Variants in HIF1A observed in about 807,000 individuals in gnomAD.
HIF1A encodes hypoxia-inducible factor 1-alpha.
A neutral mutation model predicts 92.7 loss-of-function variants in HIF1A; 24 were observed. The observed-to-expected ratio is 0.26, with a 90% CI of 0.19 to 0.36. HIF1A has a LOEUF of 0.36. HIF1A is among the 10% of genes least tolerant of loss of function. The pLI is 1.00. For missense variants in HIF1A, 799 were observed against 998.5 expected (o/e 0.80, Z 2.69); for synonymous variants, 319 against 338.7 (o/e 0.94, Z 0.64).
At chr14:61,742,703 T>C (rs2044727284) in intron 12 of HIF1A, among the ~76,000 whole-genome samples, 1 of 151,796 alleles carries the variant, frequency 6.6e-6, no homozygotes, top group South Asian at 2.1e-4. Context: ...CTGGCCAACA[T>C]GGTGAAACCC....
intron 1 of HIF1A, among the ~76,000 whole-genome samples, chr14:61,707,354 G>C (rs1483063620): frequency 6.6e-6 from 1 of 151,976 alleles, no homozygotes; most frequent in Non-Finnish European, 1.5e-5. Flanking sequence ...TGTGCACAAC[G>C]TGCAGGTTAG....
At chr14:61,709,661 AGT>A (rs1176387550) in intron 1 of HIF1A, among the ~76,000 whole-genome samples, 2 of 152,216 alleles carry the variant, frequency 1.3e-5, no homozygotes, top group African/African-American at 2.4e-5. Context: ...AAATAAAATA[AGT>A]GTATGCATTC....
chr14:61,696,872 A>G (rs1392718532), intron 1 of HIF1A, among the ~76,000 whole-genome samples: 2 of 152,228 alleles, frequency 1.3e-5, no homozygotes, highest in Non-Finnish European at 2.9e-5. Context: ...ACTTAATGCA[A>G]GTTTTATAAA....
At chr14:61,715,830 T>G (rs1016922080) in intron 1 of HIF1A, 1 of 152,138 alleles carries the variant, frequency 6.6e-6, no homozygotes, top group Non-Finnish European at 1.5e-5. Flanking sequence ...ATTCCGTCTC[T>G]GCAAAAAATT....
At chr14:61,732,377 T>C (rs1273492594) in intron 6 of HIF1A, 41 bp from the exon 7 acceptor site, 1 of 1,333,544 alleles carries the variant, frequency 7.5e-7, no homozygotes, top group African/African-American at 1.5e-5. Context: ...TTTATCAGTG[T>C]CTCCCTTTTT....
intron 6 of HIF1A, among the ~76,000 whole-genome samples, chr14:61,730,384 C>G (rs553145954): frequency 8.7e-4 from 133 of 152,154 alleles, no homozygotes; most frequent in Non-Finnish European, 1.6e-3. Flanking sequence ...TTGAGAAGCA[C>G]TGATTGACAT....
intron 2 of HIF1A, among the ~76,000 whole-genome samples, chr14:61,721,203 T>C (rs1174533412): frequency 3.3e-5 from 5 of 152,324 alleles, no homozygotes; most frequent in Non-Finnish European, 4.4e-5. Context: ...ATCAAGCCAC[T>C]GCACTCCAGC....
At chr14:61,709,805 A>C (rs2044285866) in intron 1 of HIF1A, among the ~76,000 whole-genome samples, 1 of 152,342 alleles carries the variant, frequency 6.6e-6, no homozygotes. Flanking sequence ...TTGCCTGTTC[A>C]GTCTATACTT....
chr14:61,711,985 T>A (rs1369699865), intron 1 of HIF1A, among the ~76,000 whole-genome samples: 1 of 152,242 alleles, frequency 6.6e-6, no homozygotes, highest in Non-Finnish European at 1.5e-5. Flanking sequence ...GTGCTTGGGA[T>A]GTTCATTGAA....
chr14:61,721,476 CTA>C, intron 2 of HIF1A, 31 bp from the exon 3 acceptor site: 1 of 1,569,418 alleles, frequency 6.4e-7, no homozygotes, highest in South Asian at 1.1e-5. Context: ...AACTTTTTAA[CTA>C]ATTATTTTCC....
Position 61,738,244 on chromosome 14 carries a change from A to G in HIF1A, c.1407A>G (p.Ala469=), listed in dbSNP as rs1214318889. The change falls in exon 10 of 15, where the codon GCA becomes GCG. Residue 469 remains alanine (A), a synonymous_variant. Transcript: ENST00000337138. The stretch of plus-strand genomic sequence containing the variant: ...CACTTCGAAGTAGTGCTGACCCTGC[A>G]CTCAATCAAGAAGTTGCATTAAAAT... ...PKPLRSSADP[A]LNQEVALKLE... 1 of 1,614,050 alleles carries G rather than the reference A, an allele frequency of 6.2e-7. No homozygotes were observed. Among genetic ancestry groups the G allele is most frequent in the African/African-American group, 1.3e-5 (1 of 74,898 alleles).
At chr14:61,730,166 G>C (rs899717291) in intron 6 of HIF1A, among the ~76,000 whole-genome samples, 1 of 152,010 alleles carries the variant, frequency 6.6e-6, no homozygotes, top group African/African-American at 2.4e-5. Flanking sequence ...TTAGATCATG[G>C]GTTTCCTAGT....
At chr14:61,722,144 G>A (rs578035437) in intron 4 of HIF1A, among the ~76,000 whole-genome samples, 6 of 151,492 alleles carry the variant, frequency 4.0e-5, no homozygotes, top group African/African-American at 1.5e-4. Context: ...GGAGTGCAGT[G>A]GCACAATCAG....
intron 2 of HIF1A, among the ~76,000 whole-genome samples, chr14:61,720,813 T>G (rs1354181480): frequency 1.3e-5 from 2 of 152,218 alleles, no homozygotes; most frequent in Non-Finnish European, 2.9e-5. Context: ...CTTTATTCTC[T>G]TAAACATACT....
At chr14:61,703,164 A>C (rs1213446231) in intron 1 of HIF1A, among the ~76,000 whole-genome samples, 9 of 152,216 alleles carry the variant, frequency 5.9e-5, no homozygotes, top group Non-Finnish European at 1.3e-4. Flanking sequence ...CTTAATAATA[A>C]ATTAGAAGAA....
chr14:61,706,557 A>G (rs972275363), intron 1 of HIF1A, among the ~76,000 whole-genome samples: 2 of 152,218 alleles, frequency 1.3e-5, no homozygotes, highest in African/African-American at 4.8e-5. Flanking sequence ...GTATTCAGTT[A>G]TAGCTAAAAA....
At chr14:61,721,278 CTCT>C (rs766275957) in intron 2 of HIF1A, among the ~76,000 whole-genome samples, 1 of 151,930 alleles carries the variant, frequency 6.6e-6, no homozygotes, top group Non-Finnish European at 1.5e-5. Flanking sequence ...AAAAACATTA[CTCT>C]TCTTTCTTCT....
Position 61,713,965 on chromosome 14 carries a change from G to A in HIF1A, c.36-6417G>A, listed in dbSNP as rs181909262. Among the ~76,000 whole-genome samples, 221 of 152,328 alleles carry A rather than the reference G, an allele frequency of 1.5e-3. 1 individual carries two copies. The highest frequency in any genetic ancestry group is 2.6e-3 in the Non-Finnish European group (177 of 68,034). On this transcript the variant is annotated intron_variant, in intron 1 of 14. Coordinates refer to ENST00000337138, the MANE Select transcript of HIF1A (RefSeq NM_001530.4). ...TGGTGGAGAGAACCCCTCCTCTCCC[G>A]ATAGGGTTGCAGAAGTTGTCTTCTG...
rs111734847 is a variant in HIF1A at position 61,705,548 on chromosome 14, A to G, written c.35+9709A>G. ...GGTAGCTATCATGTTTCTTCCTTCT[A>G]TTCTTAAAAAATAGTCCCAAATTTC... is the stretch of plus-strand genomic sequence containing the variant. On this transcript the variant is annotated intron_variant, in intron 1 of 14. Transcript: ENST00000337138. Among the ~76,000 whole-genome samples the G allele has an allele frequency of 3.2e-3, 490 of 152,198 alleles. 5 individuals carry two copies. Among genetic ancestry groups the G allele is most frequent in the African/African-American group, 0.011 (458 of 41,548 alleles).
Sources: gnomAD v4.1 joint callset for allele counts (sites outside exome capture counted in the v4.1 genomes callset) on GRCh38, gnomAD v4.1.1 for gene constraint, MANE v1.5 for transcripts, NCBI Gene and HGNC (gene_info 2026-07-23, HGNC 2026-07-21) for gene names.